TANGO6: variants seen among roughly 807,000 people sequenced by gnomAD.
TANGO6 encodes transport and Golgi organization protein 6 homolog.
In TANGO6, 90 loss-of-function variants were observed where a neutral mutation model predicts 114.2. That is an observed-to-expected ratio of 0.79 (90% CI 0.66 to 0.94). TANGO6 has a LOEUF of 0.94. Ranked by LOEUF, TANGO6 falls within the 40% of genes least tolerant of loss-of-function variation. The pLI, the probability that TANGO6 is intolerant of heterozygous loss-of-function variation, is 0.00. For synonymous variants in TANGO6, 477 were observed against 509.8 expected (o/e 0.94, Z 0.87); for missense variants, 1,274 against 1,315.3 (o/e 0.97, Z 0.49).
In TANGO6 at chr16:69,046,459, C is replaced by T. The variant is rs550753765; in HGVS notation, c.3108+6038C>T. On this transcript the variant is annotated intron_variant, in intron 17 of 17. Coordinates refer to ENST00000261778, the MANE Select transcript of TANGO6 (RefSeq NM_024562.2). ...TTAGCCTCCCTAGTAGCTGGGATTA[C>T]AGGTATGTGCCACCACACGTGGCTA... 3.3e-5 allele frequency among the ~76,000 whole-genome samples: 5 copies of T among 152,018 alleles called. No individual in the cohort carries two copies. In the East Asian group the frequency reaches 9.7e-4, roughly 30 times the overall value.
At chr16:68,906,767 G>A (rs905640073) in intron 9 of TANGO6, among the ~76,000 whole-genome samples, 1 of 151,318 alleles carries the variant, frequency 6.6e-6, no homozygotes, top group Non-Finnish European at 1.5e-5. Context: ...TGACCATGCA[G>A]GACATAACCG....
intron 16 of TANGO6, among the ~76,000 whole-genome samples, chr16:69,039,136 G>A (rs975020775): frequency 1.3e-5 from 2 of 152,082 alleles, no homozygotes; most frequent in Non-Finnish European, 2.9e-5. Context: ...TGTGAGCCAA[G>A]ATCGCGCCAC....
At position 68,918,395 on chromosome 16, in the gene TANGO6, G is replaced by A. The variant is rs144404753; in HGVS notation, c.1993-690G>A. Among the ~76,000 whole-genome samples, 603 of 152,160 alleles carry A rather than the reference G, an allele frequency of 4.0e-3. 3 individuals carry two copies. The highest frequency in any genetic ancestry group is 0.014 in the African/African-American group (580 of 41,522). On this transcript the variant is annotated intron_variant, in intron 11 of 17. Coordinates refer to ENST00000261778, the MANE Select transcript of TANGO6 (RefSeq NM_024562.2). ...CCAGCTTATCATTACTTTCTTTCAC[G>A]GATTGTGCCTTTGGTGTTGTATCTG...
intron 15 of TANGO6, among the ~76,000 whole-genome samples, chr16:68,991,861 G>A (rs545700507): frequency 1.4e-4 from 21 of 152,160 alleles, no homozygotes; most frequent in Non-Finnish European, 1.6e-4. Context: ...GCCTGGAGCC[G>A]GAGAGAAAGC....
chr16:69,079,080 C>T (rs952223398), intron 17 of TANGO6, among the ~76,000 whole-genome samples: 2 of 151,524 alleles, frequency 1.3e-5, no homozygotes, highest in African/African-American at 4.8e-5. Flanking sequence ...AATCCCAGCA[C>T]TTTGGGAGGC....
At chr16:68,931,947 C>T (rs181816427) in intron 14 of TANGO6, among the ~76,000 whole-genome samples, 9 of 152,114 alleles carry the variant, frequency 5.9e-5, no homozygotes, top group African/African-American at 1.7e-4. Flanking sequence ...TTCCGCCTCC[C>T]GGGTTCAAGC....
intron 3 of TANGO6, among the ~76,000 whole-genome samples, chr16:68,863,694 G>A (rs1962134627): frequency 6.6e-6 from 1 of 152,154 alleles, no homozygotes; most frequent in African/African-American, 2.4e-5. Context: ...ACTAAAATTT[G>A]CTGTTTGACA....
At chr16:69,058,324 A>G (rs941116487) in intron 17 of TANGO6, among the ~76,000 whole-genome samples, 5 of 152,230 alleles carry the variant, frequency 3.3e-5, no homozygotes, top group Non-Finnish European at 7.3e-5. Flanking sequence ...CTTAATAGTA[A>G]TATAACTAAT....
At chr16:68,945,554 C>G (rs1963405968) in intron 14 of TANGO6, among the ~76,000 whole-genome samples, 2 of 151,996 alleles carry the variant, frequency 1.3e-5, no homozygotes, top group Non-Finnish European at 2.9e-5. Flanking sequence ...ACATAGCCAC[C>G]CTAATGGGTG....
chr16:69,077,991 C>T (rs1327285114), intron 17 of TANGO6, among the ~76,000 whole-genome samples: 1 of 152,104 alleles, frequency 6.6e-6, no homozygotes, highest in African/African-American at 2.4e-5. Flanking sequence ...ATTTACATTA[C>T]AGTCCTGATA....
chr16:69,081,269 A>T (rs1257775794), intron 17 of TANGO6, among the ~76,000 whole-genome samples: 1 of 152,224 alleles, frequency 6.6e-6, no homozygotes, highest in Non-Finnish European at 1.5e-5. Context: ...GCCCTGGACC[A>T]GAAGTAACTT....
chr16:69,059,713 G>A (rs1960086917), intron 17 of TANGO6, among the ~76,000 whole-genome samples: 1 of 152,084 alleles, frequency 6.6e-6, no homozygotes, highest in South Asian at 2.1e-4. Flanking sequence ...TAGAGACGAG[G>A]TTTCACCATG....
intron 11 of TANGO6, among the ~76,000 whole-genome samples, chr16:68,914,182 A>G (rs1962967112): frequency 6.6e-6 from 1 of 152,070 alleles, no homozygotes; most frequent in African/African-American, 2.4e-5. Context: ...TATTTTTGAG[A>G]CAGAGTTTTG....
chr16:69,028,619 C>T (rs558087708), intron 16 of TANGO6, among the ~76,000 whole-genome samples: 113 of 151,180 alleles, frequency 7.5e-4, no homozygotes, highest in African/African-American at 2.5e-3. Flanking sequence ...GGTGACAGCG[C>T]GAGACTTTGT....
chr16:69,081,685 T>C (rs1960467629), intron 17 of TANGO6, among the ~76,000 whole-genome samples: 1 of 152,102 alleles, frequency 6.6e-6, no homozygotes, highest in Non-Finnish European at 1.5e-5. Context: ...AACCTGTTTC[T>C]TGCTAGAAGT....
At chr16:68,869,481 C>T (rs776900841) in intron 4 of TANGO6, among the ~76,000 whole-genome samples, 1 of 152,114 alleles carries the variant, frequency 6.6e-6, no homozygotes, top group Non-Finnish European at 1.5e-5. Context: ...CTGTGTCAAA[C>T]AAACAAACAA....
chr16:69,065,373 T>G (rs1241901979), intron 17 of TANGO6, among the ~76,000 whole-genome samples: 4 of 152,226 alleles, frequency 2.6e-5, no homozygotes, highest in African/African-American at 9.6e-5. Context: ...TCCCAAGGGT[T>G]AACTGCTACC....
chr16:68,869,219 C>T (rs1962227465), intron 4 of TANGO6, among the ~76,000 whole-genome samples: 2 of 152,204 alleles, frequency 1.3e-5, no homozygotes, highest in Non-Finnish European at 2.9e-5. Context: ...CATGGTGGCT[C>T]ATGCCTATAA....
intron 17 of TANGO6, among the ~76,000 whole-genome samples, chr16:69,042,289 G>C (rs1197231446): frequency 6.6e-6 from 1 of 152,206 alleles, no homozygotes; most frequent in Non-Finnish European, 1.5e-5. Context: ...GCTCACACCT[G>C]TAATCCCAGC....
Sources: allele counts gnomAD v4.1 joint callset (sites outside exome capture counted in the v4.1 genomes callset), GRCh38; gene constraint gnomAD v4.1.1; transcripts MANE v1.5; gene names NCBI Gene and HGNC (gene_info 2026-07-23, HGNC 2026-07-21).